The following TMEM132D variants were observed in gnomAD, a reference collection of about 807,000 sequenced individuals.
TMEM132D encodes transmembrane protein 132D, also known as mature OL transmembrane protein.
Under a neutral mutation model 62.3 loss-of-function variants are expected in TMEM132D, and 21 were observed. The ratio of observed to expected loss-of-function variants is 0.34; its 90% CI spans 0.24 to 0.49. The LOEUF (loss-of-function observed/expected upper bound fraction) is 0.49. Among genes scored for constraint, TMEM132D ranks in the 20% least tolerant of loss-of-function variants. The pLI is 0.99. For missense variants in TMEM132D, 1,346 were observed against 1,402.8 expected, an observed-to-expected ratio of 0.96 and a Z score of 0.65; for synonymous variants, 621 against 575.6, an observed-to-expected ratio of 1.08 and a Z score of -1.13.
chr12:129,578,406 T>TTGTGTGTGTG (rs1164940211), intron 2 of TMEM132D, among the ~76,000 whole-genome samples: 2 of 34,662 alleles, frequency 5.8e-5, no homozygotes, highest in East Asian at 3.1e-3. Context: ...AGTAATACAA[T>TTGTGTGTGTG]TATGTGTGTG....
intron 3 of TMEM132D, among the ~76,000 whole-genome samples, chr12:129,481,438 G>A (rs1192376384): frequency 4.8e-5 from 7 of 145,942 alleles, no homozygotes; most frequent in Non-Finnish European, 7.4e-5. Flanking sequence ...ACTCCAGCCC[G>A]GGTGACAGAA....
At chr12:129,774,799 G>C (rs1870864340) in intron 1 of TMEM132D, among the ~76,000 whole-genome samples, 1 of 152,172 alleles carries the variant, frequency 6.6e-6, no homozygotes, top group South Asian at 2.1e-4. Context: ...AACTGTCCCT[G>C]GCTTAGTCTC....
Position 129,779,821 on chromosome 12 carries a change from G to A in TMEM132D, c.80-79123C>T, listed in dbSNP as rs532580176. On this transcript the variant is annotated intron_variant, in intron 1 of 8. Transcript: ENST00000422113. This position sits in a 1 kb window ranked among gnomAD's most constrained non-coding sequence, Gnocchi z 4.1. ...GCCTTAAGGTCTCTATGCCACTTGGGGAAGACAGAGAGAAATGAACTGAGC... is the reference window on the plus strand; with the variant it reads ...GCCTTAAGGTCTCTATGCCACTTGGAGAAGACAGAGAGAAATGAACTGAGC... Among the ~76,000 whole-genome samples, 3 of 152,136 alleles carry A rather than the reference G, an allele frequency of 2.0e-5. No individual in the cohort carries two copies. In the East Asian group the frequency reaches 5.8e-4, roughly 29 times the overall value.
chr12:129,701,784 G>A (rs540484904), intron 1 of TMEM132D, among the ~76,000 whole-genome samples: 4 of 152,120 alleles, frequency 2.6e-5, no homozygotes, highest in African/African-American at 7.2e-5. Flanking sequence ...AGCCCTTCTC[G>A]TCAGTCACCA....
rs1179552594 is a variant in TMEM132D at position 129,256,978 on chromosome 12, G to A, written c.1300-47315C>T. On this transcript the variant is annotated intron_variant, in intron 4 of 8. Coordinates refer to ENST00000422113, the MANE Select transcript of TMEM132D (RefSeq NM_133448.3). ...TTCAAGAGCCCACTCTGATGTTTTAGCAGCTGGCCAGAGAGCTATGGTGTG... is the reference window on the plus strand; with the variant it reads ...TTCAAGAGCCCACTCTGATGTTTTAACAGCTGGCCAGAGAGCTATGGTGTG... Among the ~76,000 whole-genome samples the A allele has an allele frequency of 2.6e-5, 4 of 152,184 alleles. No individual in the cohort carries two copies. The South Asian group carries it at 6.2e-4, about 24-fold the overall frequency.
intron 4 of TMEM132D, among the ~76,000 whole-genome samples, chr12:129,266,594 C>G (rs1343810839): frequency 2.1e-5 from 3 of 145,312 alleles, no homozygotes; most frequent in Non-Finnish European, 4.5e-5. Flanking sequence ...CCCCTTTTTC[C>G]CCTCCCCTCC....
At chr12:129,424,667 C>A (rs374527295) in intron 3 of TMEM132D, among the ~76,000 whole-genome samples, 1 of 124,048 alleles carries the variant, frequency 8.1e-6, no homozygotes, top group Non-Finnish European at 1.6e-5. Context: ...GAGATCACGC[C>A]ACTACACTCC....
At chr12:129,113,670 A>G (rs148421315) in intron 5 of TMEM132D, among the ~76,000 whole-genome samples, 146 of 152,192 alleles carry the variant, frequency 9.6e-4, no homozygotes, top group African/African-American at 3.3e-3. Context: ...CGAAAACCCC[A>G]TTGAAAATGT....
intron 2 of TMEM132D, among the ~76,000 whole-genome samples, chr12:129,669,869 G>A (rs975024492): frequency 6.6e-6 from 1 of 152,088 alleles, no homozygotes; most frequent in African/African-American, 2.4e-5. Flanking sequence ...TATAGATGAG[G>A]GTACTAATGT....
chr12:129,231,859 G>C (rs1384888957), intron 4 of TMEM132D, among the ~76,000 whole-genome samples: 1 of 152,218 alleles, frequency 6.6e-6, no homozygotes. Flanking sequence ...CCTGAGGTTG[G>C]TCCAGAGAAG....
chr12:129,593,699 C>T (rs1042638654), intron 2 of TMEM132D, among the ~76,000 whole-genome samples: 6 of 152,170 alleles, frequency 3.9e-5, no homozygotes, highest in Admixed American at 2.0e-4. Flanking sequence ...TTGCTCAATA[C>T]TCAGTATTGC....
intron 2 of TMEM132D, among the ~76,000 whole-genome samples, chr12:129,616,977 T>C (rs1228093196): frequency 6.6e-6 from 1 of 152,178 alleles, no homozygotes; most frequent in South Asian, 2.1e-4. Flanking sequence ...TGTTTCATTT[T>C]GTTTTTTGTT....
chr12:129,754,961 T>C (rs1458053147), intron 1 of TMEM132D, among the ~76,000 whole-genome samples: 1 of 152,168 alleles, frequency 6.6e-6, no homozygotes, highest in African/African-American at 2.4e-5. Flanking sequence ...ATCTAGGCAT[T>C]TTCCTATAGC....
chr12:129,105,549 T>TAA (rs1314524580), intron 5 of TMEM132D, among the ~76,000 whole-genome samples: 9 of 84,288 alleles, frequency 1.1e-4, no homozygotes, highest in Middle Eastern at 5.7e-3. Flanking sequence ...ATAATAATAA[T>TAA]AAAAAAAAAG....
chr12:129,602,102 G>C (rs1429290193), intron 2 of TMEM132D, among the ~76,000 whole-genome samples: 1 of 152,106 alleles, frequency 6.6e-6, no homozygotes, highest in Admixed American at 6.5e-5. Flanking sequence ...CAGTACATAG[G>C]ACAGGGTTTA....
chr12:129,363,476 C>G (rs1566045825), intron 3 of TMEM132D, among the ~76,000 whole-genome samples: 1 of 152,188 alleles, frequency 6.6e-6, no homozygotes, highest in African/African-American at 2.4e-5. Flanking sequence ...GTGATGATCA[C>G]TGCTAAATCT....
At chr12:129,665,429 C>T (rs1464659048) in intron 2 of TMEM132D, among the ~76,000 whole-genome samples, 1 of 151,880 alleles carries the variant, frequency 6.6e-6, no homozygotes, top group African/African-American at 2.4e-5. Flanking sequence ...AGGAAATGAG[C>T]GCGTGGGCAA....
chr12:129,513,700 T>G (rs1277996401), intron 3 of TMEM132D, among the ~76,000 whole-genome samples: 1 of 151,662 alleles, frequency 6.6e-6, no homozygotes, highest in Admixed American at 6.6e-5. Context: ...TCAGCCAGGA[T>G]GGTCTCGATC....
chr12:129,199,823 C>T (rs1038479593), intron 5 of TMEM132D, among the ~76,000 whole-genome samples: 21 of 152,070 alleles, frequency 1.4e-4, no homozygotes, highest in African/African-American at 5.1e-4. Flanking sequence ...GGGAAAGACC[C>T]GCCCCCACGT....
Sources: gnomAD v4.1 joint callset for allele counts (sites outside exome capture counted in the v4.1 genomes callset) on GRCh38, gnomAD v4.1.1 for gene constraint, Gnocchi (gnomAD v3.1) non-coding constraint, MANE v1.5 for transcripts, NCBI Gene and HGNC (gene_info 2026-07-23, HGNC 2026-07-21) for gene names.